LARP4B: variants seen among roughly 807,000 people sequenced by gnomAD.
The protein encoded by LARP4B is La ribonucleoprotein 4B.
In LARP4B, 12 loss-of-function variants were observed where a neutral mutation model predicts 89.8. That is an observed-to-expected ratio of 0.13 (90% CI 0.09 to 0.22). LARP4B has a LOEUF of 0.22. LARP4B is among the 10% of genes least tolerant of loss of function. The probability of loss-of-function intolerance (pLI) is 1.00; values close to 1 mark genes in which losing one functional copy is unlikely to be tolerated. For missense variants in LARP4B, 757 were observed against 947.7 expected, an observed-to-expected ratio of 0.80 and a Z score of 2.64; for synonymous variants, 367 against 363.3, an observed-to-expected ratio of 1.01 and a Z score of -0.12.
chr10:951,160 G>T, the LARP4B span, among the ~76,000 whole-genome samples: 1 of 152,198 alleles, frequency 6.6e-6, no homozygotes, highest in Non-Finnish European at 1.5e-5. Flanking sequence ...TAGGCTGGGA[G>T]CTTCAGTCTT....
intron 1 of LARP4B, chr10:924,583 C>T (rs1837083959): frequency 1.3e-5 from 2 of 152,648 alleles, no homozygotes; most frequent in South Asian, 2.1e-4. Context: ...ACCTCCCAGC[C>T]GCGTTCTCTT....
At chr10:877,114 C>T (rs962003650) in intron 3 of LARP4B, among the ~76,000 whole-genome samples, 1 of 152,176 alleles carries the variant, frequency 6.6e-6, no homozygotes, top group East Asian at 1.9e-4. Flanking sequence ...TACCAAAACC[C>T]TTCTGCCCTC....
chr10:902,811 G>A (rs1313404084), intron 1 of LARP4B, among the ~76,000 whole-genome samples: 1 of 151,878 alleles, frequency 6.6e-6, no homozygotes, highest in African/African-American at 2.4e-5. Context: ...CACTCAGCTA[G>A]TTTTTGTATT....
At chr10:979,439 C>A in the LARP4B span, among the ~76,000 whole-genome samples, 6 of 152,190 alleles carry the variant, frequency 3.9e-5, no homozygotes, top group Non-Finnish European at 8.8e-5. Flanking sequence ...GGAGGAGAGA[C>A]TGCTCTGGTT....
the LARP4B span, among the ~76,000 whole-genome samples, chr10:966,084 GTA>G: frequency 0.43 from 63,800 of 149,048 alleles, 14,253 homozygotes; most frequent in Middle Eastern, 0.58. Context: ...GTGTGTGTGT[GTA>G]TGAGATTTTA....
the LARP4B span, among the ~76,000 whole-genome samples, chr10:968,799 G>T: frequency 2.6e-5 from 4 of 152,362 alleles, no homozygotes; most frequent in South Asian, 8.3e-4. Flanking sequence ...CGCGTATGAT[G>T]GCTTCCTGCG....
At chr10:984,387 A>G in the LARP4B span, among the ~76,000 whole-genome samples, 6 of 152,368 alleles carry the variant, frequency 3.9e-5, no homozygotes, top group South Asian at 6.2e-4. Context: ...TCTCTAGGAA[A>G]AGAGATCGCA....
the LARP4B span, among the ~76,000 whole-genome samples, chr10:954,242 T>C: frequency 6.6e-6 from 1 of 152,078 alleles, no homozygotes; most frequent in Admixed American, 6.6e-5. This position sits in a 1 kb window ranked among gnomAD's most constrained non-coding sequence, Gnocchi z 5.0. Flanking sequence ...TGGTGGCCTG[T>C]GTCCACCAGC....
chr10:852,082 T>A (rs1834083842), intron 5 of LARP4B, among the ~76,000 whole-genome samples: 1 of 151,606 alleles, frequency 6.6e-6, no homozygotes, highest in African/African-American at 2.4e-5. Context: ...ACTAAGTAAG[T>A]TTAGTAAGTA....
At chr10:944,554 T>C in the LARP4B span, among the ~76,000 whole-genome samples, 3,474 of 152,318 alleles carry the variant, frequency 0.023, 124 homozygotes, top group African/African-American at 0.077. Flanking sequence ...GCATAGCCTA[T>C]GTGCCTGCCA....
At chr10:840,292 C>T (rs1019944668) in intron 7 of LARP4B, among the ~76,000 whole-genome samples, 6 of 152,120 alleles carry the variant, frequency 3.9e-5, no homozygotes, top group African/African-American at 1.2e-4. Context: ...CTTCATGCCT[C>T]GCCCAACTCA....
At chr10:958,543 C>T in the LARP4B span, among the ~76,000 whole-genome samples, 1 of 152,232 alleles carries the variant, frequency 6.6e-6, no homozygotes, top group Admixed American at 6.5e-5. Flanking sequence ...GTGTTATCCA[C>T]CCACCAGGGA....
At chr10:868,378 T>TAAAAAAAAAAAAAA (rs35215345) in intron 3 of LARP4B, among the ~76,000 whole-genome samples, 1 of 123,460 alleles carries the variant, frequency 8.1e-6, no homozygotes, top group Non-Finnish European at 1.7e-5. Flanking sequence ...AAGATTTGCT[T>TAAAAAAAAAAAAAA]AAAAAAAAAA....
chr10:948,700 C>G, the LARP4B span, among the ~76,000 whole-genome samples: 2 of 152,246 alleles, frequency 1.3e-5, no homozygotes, highest in Admixed American at 6.5e-5. Context: ...GGTAAGGCCT[C>G]CATTGCTGTA....
chr10:945,549 A>G, the LARP4B span, among the ~76,000 whole-genome samples: 1,391 of 152,048 alleles, frequency 9.1e-3, 26 homozygotes, highest in African/African-American at 0.031. Flanking sequence ...TTAGCCGGGC[A>G]TGGTGGCGGG....
the LARP4B span, among the ~76,000 whole-genome samples, chr10:937,576 TGGC>T: frequency 6.6e-6 from 1 of 152,156 alleles, no homozygotes; most frequent in Non-Finnish European, 1.5e-5. Context: ...TCACTAATAA[TGGC>T]GGCCTGACCC....
chr10:848,547 G>GT (rs1833888360), intron 5 of LARP4B, among the ~76,000 whole-genome samples: 1 of 150,298 alleles, frequency 6.7e-6, no homozygotes. Flanking sequence ...ACGAAGTCAG[G>GT]TAAGGACATA....
At chr10:933,591 T>C (rs75055369), upstream of LARP4B, among the ~76,000 whole-genome samples, 158 of 152,320 alleles carry the variant, frequency 1.0e-3, 1 homozygote, top group East Asian at 5.0e-3. Context: ...CATAGTAATG[T>C]TTTTAAAGAA....
chr10:877,973 G>C (rs1835522267), intron 3 of LARP4B, among the ~76,000 whole-genome samples: 2 of 152,224 alleles, frequency 1.3e-5, no homozygotes, highest in South Asian at 2.1e-4. Context: ...GATGCGGATA[G>C]ATGGGGCTCG....
Sources: allele counts gnomAD v4.1 joint callset (sites outside exome capture counted in the v4.1 genomes callset), GRCh38; gene constraint gnomAD v4.1.1; non-coding constraint Gnocchi (gnomAD v3.1); transcripts MANE v1.5; gene names NCBI Gene and HGNC (gene_info 2026-07-23, HGNC 2026-07-21).